The following ALG6 variants were observed in gnomAD, a reference collection of about 807,000 sequenced individuals.
The protein encoded by ALG6 is ALG6 alpha-1,3-glucosyltransferase.
ALG6 carries 46 observed loss-of-function variants against 66.6 expected under a neutral mutation model. The ratio of observed to expected loss-of-function variants is 0.69; its 90% CI spans 0.55 to 0.88. The LOEUF (loss-of-function observed/expected upper bound fraction) is 0.88, where lower values mean the gene tolerates loss of function less well. Ranked by LOEUF, ALG6 falls within the 40% of genes least tolerant of loss-of-function variation. The probability of loss-of-function intolerance (pLI) is 0.00; values close to 1 mark genes in which losing one functional copy is unlikely to be tolerated. For missense variants in ALG6, 505 were observed against 586.8 expected, an observed-to-expected ratio of 0.86 and a Z score of 1.44; for synonymous variants, 185 against 203.7, an observed-to-expected ratio of 0.91 and a Z score of 0.78.
chr1:63,387,943 T>G (rs911985847), intron 2 of ALG6, among the ~76,000 whole-genome samples: 3 of 152,208 alleles, frequency 2.0e-5, no homozygotes, highest in African/African-American at 7.2e-5. Flanking sequence ...GAATATCTTT[T>G]TCCATCCTTT....
intron 2 of ALG6, among the ~76,000 whole-genome samples, chr1:63,385,242 C>G (rs1255370678): frequency 8.2e-6 from 1 of 122,548 alleles, no homozygotes; most frequent in Non-Finnish European, 1.6e-5. Flanking sequence ...CTCTGTCACC[C>G]AGGCTGGAGT....
chr1:63,431,101 AT>A lies in ALG6; in HGVS notation c.1326+1977del, dbSNP rs373190928. 1.4e-4 allele frequency among the ~76,000 whole-genome samples: 22 copies of A among 152,098 alleles called. 1 individual carries two copies. The South Asian group carries it at 4.1e-3, about 29-fold the overall frequency. On this transcript the variant is annotated intron_variant, in intron 14 of 14. Transcript: ENST00000263440. ...GACTTTATTCAATTATTTCAGTTCC[AT>A]TGAATTGTCTTGGCACTCTTGTTGA... is the stretch of plus-strand genomic sequence containing the variant.
rs1557595115 is a variant in ALG6, at chr1:63,422,291, T to TATATA, written c.1058+2851_1058+2852insATATA. 7.2e-5 allele frequency among the ~76,000 whole-genome samples: 5 copies of TATATA among 69,230 alleles called. 1 individual carries two copies. Among genetic ancestry groups the TATATA allele is most frequent in the African/African-American group, 1.5e-4 (2 of 13,062 alleles). The allele number at this position is 69,230 out of a possible 152,430, so 45.4% of individuals were successfully genotyped here. On this transcript the variant is annotated intron_variant, in intron 12 of 14. Transcript: ENST00000263440. ...TAAATATATATATAAATATATATATTTATATAGATATAAATATATATCTAT... is the reference window on the plus strand; with the variant it reads ...TAAATATATATATAAATATATATATTATATATATATAGATATAAATATATATCTAT...
Position 63,411,957 on chromosome 1 carries a change from G to A in ALG6, c.712G>A (p.Val238Ile), listed in dbSNP as rs769947380. The change falls in exon 9 of 15, where the codon GTT becomes ATT. Residue 238 changes from valine (V) to isoleucine (I), a missense_variant. By Grantham distance (29) the Val-to-Ile change is conservative. Transcript: ENST00000263440. ...GTTGCTAGTTAAGCTAGCTTGTATT[G>A]TTGTGGCTTCCTTCGTTCTCTGCTG... ...FVLLVKLACI[V>I]VASFVLCWLP... The A allele has an allele frequency of 1.6e-5, 26 of 1,613,930 alleles. No individual in the cohort carries two copies. The Admixed American group carries it at 4.2e-4, about 26-fold the overall frequency.
chr1:63,429,107 C>A lies in ALG6; in HGVS notation c.1307C>A (p.Ser436Tyr), dbSNP rs773786211. 4.4e-6 allele frequency: 7 copies of A among 1,599,074 alleles called. No individual in the cohort carries two copies. The South Asian group carries it at 6.7e-5, about 15-fold the overall frequency. Residue 436 changes from serine to tyrosine, a missense_variant, in exon 14 of 15, where the codon TCC becomes TAC. Coordinates refer to ENST00000263440, the MANE Select transcript of ALG6 (RefSeq NM_013339.4). ...TATCTTCCATGTTTTACATTTCTTT[C>A]CAGAATTATACAATATTTGGTAAGT... Reference protein sequence around the residue: ...RKYLPCFTFLSRIIQYLFLIS... With the variant: ...RKYLPCFTFLYRIIQYLFLIS...
In ALG6 at chr1:63,411,156, G is replaced by GT. The variant is rs1340451687; in HGVS notation, c.506dup (p.Ser170GlufsTer15). The GT allele has an allele frequency of 6.2e-7, 1 of 1,613,562 alleles. No individual in the cohort carries two copies. Among genetic ancestry groups the GT allele is most frequent in the Non-Finnish European group, 8.5e-7 (1 of 1,179,796 alleles). On this transcript the variant is annotated frameshift_variant, in exon 8 of 15. Transcript: ENST00000263440. LOFTEE classifies it high-confidence loss of function. ...TTGACACAGGAACATATATAATTCT[G>GT]TGAGTCTTGGCTTTGCTTTGTGGGG...
intron 2 of ALG6, among the ~76,000 whole-genome samples, chr1:63,378,039 C>G (rs1648189379): frequency 6.6e-6 from 1 of 152,164 alleles, no homozygotes; most frequent in Non-Finnish European, 1.5e-5. Context: ...CCACTGTGCC[C>G]TGCATATTTA....
At chr1:63,418,999 T>C (rs1033400200) in intron 11 of ALG6, among the ~76,000 whole-genome samples, 1 of 152,188 alleles carries the variant, frequency 6.6e-6, no homozygotes, top group Non-Finnish European at 1.5e-5. Flanking sequence ...AATAGATTTG[T>C]TTTGCCGGTT....
chr1:63,388,510 TA>T (rs1380974358), intron 2 of ALG6, among the ~76,000 whole-genome samples: 1 of 152,236 alleles, frequency 6.6e-6, no homozygotes, highest in Non-Finnish European at 1.5e-5. Flanking sequence ...TTTAACTTTT[TA>T]TTGTTTCTAT....
chr1:63,423,258 A>G (rs1644597884), intron 12 of ALG6, among the ~76,000 whole-genome samples: 1 of 152,118 alleles, frequency 6.6e-6, no homozygotes, highest in Admixed American at 6.5e-5. Flanking sequence ...TCCTGACCTC[A>G]ACTGATTCCC....
At chr1:63,404,176 T>C (rs900186764) in intron 4 of ALG6, among the ~76,000 whole-genome samples, 4 of 152,214 alleles carry the variant, frequency 2.6e-5, no homozygotes, top group Non-Finnish European at 4.4e-5. Context: ...AAATGTGACA[T>C]GCCAGATTGT....
chr1:63,378,768 T>A (rs566751819), intron 2 of ALG6, among the ~76,000 whole-genome samples: 1 of 152,312 alleles, frequency 6.6e-6, no homozygotes, highest in South Asian at 2.1e-4. Context: ...CATAATCTCT[T>A]GTATTTTCCA....
chr1:63,373,512 T>C (rs543578485), intron 2 of ALG6, among the ~76,000 whole-genome samples: 7 of 151,640 alleles, frequency 4.6e-5, no homozygotes, highest in African/African-American at 1.7e-4. Context: ...CGAGAATTGC[T>C]TAAGCCCAGG....
chr1:63,368,096 G>A (rs1296853234), intron 1 of ALG6, among the ~76,000 whole-genome samples: 2 of 152,136 alleles, frequency 1.3e-5, no homozygotes, highest in East Asian at 1.9e-4. Flanking sequence ...GGATGGGGAC[G>A]GCGGGCTTGG....
At chr1:63,430,039 T>C (rs937589797) in intron 14 of ALG6, among the ~76,000 whole-genome samples, 1 of 152,056 alleles carries the variant, frequency 6.6e-6, no homozygotes, top group Non-Finnish European at 1.5e-5. Context: ...TGCGCCACCA[T>C]GCCCAGCTAA....
chr1:63,403,177 T>G (rs1218306090), intron 4 of ALG6, among the ~76,000 whole-genome samples: 1 of 149,080 alleles, frequency 6.7e-6, no homozygotes, highest in Non-Finnish European at 1.5e-5. Flanking sequence ...TAGCAAGAAA[T>G]GTGAAAAACC....
At chr1:63,434,719 A>C (rs1421025368) in intron 14 of ALG6, among the ~76,000 whole-genome samples, 2 of 152,200 alleles carry the variant, frequency 1.3e-5, no homozygotes, top group African/African-American at 2.4e-5. Flanking sequence ...AAAAGATTGG[A>C]CAACCCTGGT....
chr1:63,429,122 A>G lies in ALG6; in HGVS notation c.1322A>G (p.Tyr441Cys). The G allele has an allele frequency of 6.3e-7, 1 of 1,589,620 alleles. No homozygotes were observed. Among genetic ancestry groups the G allele is most frequent in the African/African-American group, 1.3e-5 (1 of 74,496 alleles). The change falls in exon 14 of 15, where the codon TAT becomes TGT. Residue 441 changes from tyrosine to cysteine, a missense_variant. Coordinates refer to ENST00000263440, the MANE Select transcript of ALG6 (RefSeq NM_013339.4). Reference sequence around the variant, plus strand: ...ACATTTCTTTCCAGAATTATACAATATTTGGTAAGTTCAATTTTTAAGAAA... The same window carrying G: ...ACATTTCTTTCCAGAATTATACAATGTTTGGTAAGTTCAATTTTTAAGAAA... ...CFTFLSRIIQ[Y>C]LFLISVITMV...
intron 7 of ALG6, 68 bp downstream of exon 7, chr1:63,407,194 GC>G: frequency 8.8e-7 from 1 of 1,138,536 alleles, no homozygotes; most frequent in Non-Finnish European, 1.3e-6. Flanking sequence ...TGTGTACATT[GC>G]TGTCATCTAG....
Sources: gnomAD v4.1 joint callset for allele counts (sites outside exome capture counted in the v4.1 genomes callset) on GRCh38, gnomAD v4.1.1 for gene constraint, MANE v1.5 for transcripts, NCBI Gene and HGNC (gene_info 2026-07-23, HGNC 2026-07-21) for gene names.